Variants in TPGS1 observed in about 807,000 individuals in gnomAD.
The protein encoded by TPGS1 is gene trap ROSA b-geo 22.
In TPGS1, 18 loss-of-function variants were observed where a neutral mutation model predicts 11.9. The ratio of observed to expected loss-of-function variants is 1.51; its 90% CI spans 1.04 to 2.24. TPGS1 has a LOEUF of 2.24. Among genes scored for constraint, TPGS1 ranks in the 30% most tolerant of loss-of-function variants. TPGS1 has a pLI of 0.00. For synonymous variants in TPGS1, 247 were observed against 218.2 expected (o/e 1.13, Z -1.16); for missense variants, 500 against 443.0 (o/e 1.13, Z -1.16).
intron 1 of TPGS1, among the ~76,000 whole-genome samples, chr19:515,275 C>T (rs1214424949): frequency 6.6e-6 from 1 of 152,140 alleles, no homozygotes; most frequent in Admixed American, 6.5e-5. Context: ...GCAACTGTCA[C>T]CTGTAATCCC....
chr19:516,202 G>C (rs375025749), intron 1 of TPGS1, among the ~76,000 whole-genome samples: 29 of 152,156 alleles, frequency 1.9e-4, no homozygotes, highest in African/African-American at 6.5e-4. Flanking sequence ...ACCGAAAAAG[G>C]TTCAGGAGAG....
chr19:508,123 G>T, intron 1 of TPGS1: 2 of 353,444 alleles, frequency 5.7e-6, no homozygotes, highest in Non-Finnish European at 1.0e-5. Context: ...TCCCCTTGCA[G>T]TTCATGATTT....
chr19:519,499 CCCTGGTGAGGCCCTG>C lies in TPGS1; in HGVS notation c.*79_*93del. The C allele has an allele frequency of 8.8e-7, 1 of 1,141,722 alleles. No individual in the cohort carries two copies. Among genetic ancestry groups the C allele is most frequent in the Non-Finnish European group, 1.1e-6 (1 of 923,930 alleles). 70.7% of individuals were successfully genotyped at this position (1,141,722 alleles called of 1,614,324 possible). ...CGGGGCGCGCGGAGCCTTCCCTTCGCCCTGGTGAGGCCCTGCCATAACCAGGCGCCCAGCCCTGCG... is the reference window on the plus strand; with the variant it reads ...CGGGGCGCGCGGAGCCTTCCCTTCGCCCATAACCAGGCGCCCAGCCCTGCG... On this transcript the variant is annotated 3_prime_UTR_variant, in exon 2 of 2. Transcript: ENST00000359315.
chr19:516,696 T>A (rs1320380879), intron 1 of TPGS1, among the ~76,000 whole-genome samples: 1 of 152,172 alleles, frequency 6.6e-6, no homozygotes, highest in African/African-American at 2.4e-5. Context: ...ATTTCTCACA[T>A]CTTGAGAAAA....
Position 519,100 on chromosome 19 carries a change from G to T in TPGS1, c.550G>T (p.Gly184Cys). 6.5e-7 allele frequency: 1 copy of T among 1,532,898 alleles called. No individual in the cohort carries two copies. 95.0% of individuals were successfully genotyped at this position (1,532,898 alleles called of 1,614,324 possible). The stretch of plus-strand genomic sequence containing the variant: ...GGTGCCGCTGAGCGTCTTCCGCGCG[G>T]GCACACTCACCTGCTTCGTGCTGCT... ...EAVPLSVFRA[G>C]TLTCFVLLEF... Residue 184 changes from glycine (G) to cysteine (C), a missense_variant, in exon 2 of 2, where the codon GGC becomes TGC. Transcript: ENST00000359315.
intron 1 of TPGS1, among the ~76,000 whole-genome samples, chr19:513,340 A>C (rs537926360): frequency 6.6e-6 from 1 of 152,310 alleles, no homozygotes; most frequent in East Asian, 1.9e-4. Flanking sequence ...CTTGGGAGGG[A>C]AAAGGAGCGT....
In TPGS1 at chr19:519,028, G is replaced by C; in HGVS notation, c.478G>C (p.Val160Leu). ...ICRDGQAPEE[V>L]VAPLLRKVQC... ...CCGGGACGGCCAAGCCCCCGAGGAGGTGGTGGCGCCGCTGCTGCGCAAGGT... is the reference window on the plus strand; with the variant it reads ...CCGGGACGGCCAAGCCCCCGAGGAGCTGGTGGCGCCGCTGCTGCGCAAGGT... Residue 160 changes from valine to leucine, a missense_variant, in exon 2 of 2, where the codon GTG becomes CTG. Coordinates refer to ENST00000359315, the MANE Select transcript of TPGS1 (RefSeq NM_033513.3). 6.4e-7 allele frequency: 1 copy of C among 1,558,434 alleles called. No individual in the cohort carries two copies. Among genetic ancestry groups the C allele is most frequent in the Admixed American group, 1.9e-5 (1 of 53,366 alleles).
chr19:519,072 G>C lies in TPGS1; in HGVS notation c.522G>C (p.Glu174Asp). ...LLRKVQCRDH[E>D]AVPLSVFRAG... ...GCAAGGTGCAGTGCCGTGACCACGA[G>C]GCGGTGCCGCTGAGCGTCTTCCGCG... The change falls in exon 2 of 2, where the codon GAG becomes GAC. Residue 174 changes from glutamate (E) to aspartate (D), a missense_variant. Glu to Asp is a conservative substitution (Grantham distance 45, BLOSUM62 2). Transcript: ENST00000359315. 2 of 1,536,128 alleles carry C rather than the reference G, an allele frequency of 1.3e-6. No individual in the cohort carries two copies. Among genetic ancestry groups the C allele is most frequent in the Non-Finnish European group, 1.7e-6 (2 of 1,147,554 alleles).
At chr19:517,008 C>A (rs1262584632) in intron 1 of TPGS1, among the ~76,000 whole-genome samples, 1 of 145,668 alleles carries the variant, frequency 6.9e-6, no homozygotes, top group African/African-American at 2.7e-5. Context: ...CAGACAGATG[C>A]CTGCCGTTGA....
intron 1 of TPGS1, among the ~76,000 whole-genome samples, chr19:512,692 C>G (rs1229824022): frequency 6.6e-6 from 1 of 152,256 alleles, no homozygotes; most frequent in African/African-American, 2.4e-5. Flanking sequence ...GCTGCCGTCG[C>G]CAGCCTTCGA....
intron 1 of TPGS1, among the ~76,000 whole-genome samples, chr19:511,290 G>C (rs899668655): frequency 1.3e-5 from 2 of 152,232 alleles, no homozygotes; most frequent in Non-Finnish European, 1.5e-5. Context: ...AGCCGCCCGG[G>C]AGCCCAGGAG....
At position 507,807 on chromosome 19, in the gene TPGS1, G is replaced by A; in HGVS notation, c.301G>A (p.Ala101Thr). 7.3e-7 allele frequency: 1 copy of A among 1,376,110 alleles called. No homozygotes were observed. The highest frequency in any genetic ancestry group is 9.4e-7 in the Non-Finnish European group (1 of 1,068,932). 85.2% of individuals were successfully genotyped at this position (1,376,110 alleles called of 1,614,324 possible). Residue 101 changes from alanine to threonine, a missense_variant, in exon 1 of 2, where the codon GCG becomes ACG. Physicochemically the swap from Ala to Thr is moderately conservative, Grantham distance 58. Coordinates refer to ENST00000359315, the MANE Select transcript of TPGS1 (RefSeq NM_033513.3). ...LLLQQQRLGRALWHLRLAHHS... is the reference protein window; with the variant it reads ...LLLQQQRLGRTLWHLRLAHHS... ...GCTGCAGCAGCAGCGCCTGGGCCGC[G>A]CGCTATGGCACCTTCGCCTGGCCCA...
At chr19:518,774 G>A (rs1356413650) in intron 1 of TPGS1, 115 bp from the exon 2 acceptor site, 4 of 1,181,136 alleles carry the variant, frequency 3.4e-6, no homozygotes, top group Non-Finnish European at 4.5e-6. Context: ...GGAGAGGGGA[G>A]GCCAGGGCTG....
In TPGS1 at chr19:513,694, C is replaced by T. The variant is rs76471909; in HGVS notation, c.339-5195C>T. The stretch of plus-strand genomic sequence containing the variant: ...CCTGCATTACTGAGTACCTACTGCA[C>T]ACCAGCCCAGCATTACTGAGTACCT... On this transcript the variant is annotated intron_variant, in intron 1 of 1. Transcript: ENST00000359315. Among the ~76,000 whole-genome samples, 155 of 67,388 alleles carry T rather than the reference C, an allele frequency of 2.3e-3. 1 individual carries two copies. The highest frequency in any genetic ancestry group is 5.4e-3 in the African/African-American group (83 of 15,506). 44.2% of individuals were successfully genotyped at this position (67,388 alleles called of 152,430 possible).
intron 1 of TPGS1, among the ~76,000 whole-genome samples, chr19:513,528 C>G (rs2145832960): frequency 6.6e-6 from 1 of 152,274 alleles, no homozygotes; most frequent in East Asian, 1.9e-4. Context: ...CAGGCACCCA[C>G]CGTGCACCGG....
At position 507,779 on chromosome 19, in the gene TPGS1, C is replaced by CCTG. The variant is rs1401467553; in HGVS notation, c.278_280dup (p.Leu93dup). The CCTG allele has an allele frequency of 2.6e-5, 36 of 1,391,344 alleles. No homozygotes were observed. The highest frequency in any genetic ancestry group is 3.3e-5 in the Non-Finnish European group (35 of 1,075,612). 86.2% of individuals were successfully genotyped at this position (1,391,344 alleles called of 1,614,324 possible). On this transcript the variant is annotated inframe_insertion, in exon 1 of 2. Transcript: ENST00000359315. ...GCGCCGGGGAGCCCCCGGGCCAGCT[C>CCTG]CTGCTGCAGCAGCAGCGCCTGGGCC...
Position 519,179 on chromosome 19 carries a change from C to T in TPGS1, c.629C>T (p.Ala210Val). The T allele has an allele frequency of 6.7e-7, 1 of 1,491,204 alleles. No individual in the cohort carries two copies. The highest frequency in any genetic ancestry group is 8.9e-7 in the Non-Finnish European group (1 of 1,128,156). The allele number at this position is 1,491,204 out of a possible 1,614,324, so 92.4% of individuals were successfully genotyped here. The change falls in exon 2 of 2, where the codon GCC becomes GTC. Residue 210 changes from alanine to valine, a missense_variant. By Grantham distance (64) the Ala-to-Val change is moderately conservative. Coordinates refer to ENST00000359315, the MANE Select transcript of TPGS1 (RefSeq NM_033513.3). Reference protein sequence around the residue: ...ALFQLLEDSAAAVADRRVGQA... With the variant: ...ALFQLLEDSAVAVADRRVGQA... ...TTCCAGCTGCTGGAGGACTCGGCCG[C>T]CGCCGTGGCCGACCGCCGCGTGGGC...
rs747557825 is a variant in TPGS1 at position 507,527 on chromosome 19, G to A, written c.21G>A (p.Arg7=). The part of the protein sequence containing the change: MAAVEK[R]RQAVPPPAGF... ...CGAAGATGGCGGCAGTGGAGAAGCG[G>A]CGGCAAGCGGTACCACCGCCGGCCG... is the stretch of plus-strand genomic sequence containing the variant. Residue 7 remains arginine (R), a synonymous_variant, in exon 1 of 2, where the codon CGG becomes CGA. Coordinates refer to ENST00000359315, the MANE Select transcript of TPGS1 (RefSeq NM_033513.3). 24 of 1,421,344 alleles carry A rather than the reference G, an allele frequency of 1.7e-5. No homozygotes were observed. In the African/African-American group the frequency reaches 3.6e-4, roughly 21 times the overall value. The allele number at this position is 1,421,344 out of a possible 1,614,324, so 88.0% of individuals were successfully genotyped here.
At chr19:510,503 G>A (rs1051319852) in intron 1 of TPGS1, 3 of 151,932 alleles carry the variant, frequency 2.0e-5, no homozygotes, top group Non-Finnish European at 4.4e-5. Context: ...TGGGGGAGAA[G>A]TCACCCCAGA....
Sources: allele counts gnomAD v4.1 joint callset (sites outside exome capture counted in the v4.1 genomes callset), GRCh38; gene constraint gnomAD v4.1.1; transcripts MANE v1.5; gene names NCBI Gene and HGNC (gene_info 2026-07-23, HGNC 2026-07-21).